SIL1: variants seen among roughly 807,000 people sequenced by gnomAD.
The protein encoded by SIL1 is SIL1 nucleotide exchange factor.
A neutral mutation model predicts 49.1 loss-of-function variants in SIL1; 40 were observed. The observed-to-expected ratio is 0.81, with a 90% CI of 0.63 to 1.06. The LOEUF is 1.06. Ranked by LOEUF, SIL1 falls within the 50% of genes least tolerant of loss-of-function variation. SIL1 has a pLI of 0.00. For missense variants in SIL1, 500 were observed against 572.6 expected (o/e 0.87, Z 1.29); for synonymous variants, 253 against 250.8 (o/e 1.01, Z -0.08).
intron 5 of SIL1, among the ~76,000 whole-genome samples, chr5:139,036,437 T>C (rs1002439020): frequency 6.6e-6 from 1 of 152,114 alleles, no homozygotes; most frequent in African/African-American, 2.4e-5. Context: ...GTCAGATTTG[T>C]CAAAATAGCA....
At chr5:139,126,970 G>A (rs1292536985) in intron 2 of SIL1, among the ~76,000 whole-genome samples, 1 of 152,174 alleles carries the variant, frequency 6.6e-6, no homozygotes, top group African/African-American at 2.4e-5. Context: ...AGGGAGAGGA[G>A]AGGGAGGGCA....
intron 5 of SIL1, among the ~76,000 whole-genome samples, chr5:139,033,741 T>C (rs1768843666): frequency 6.6e-6 from 1 of 152,172 alleles, no homozygotes; most frequent in African/African-American, 2.4e-5. Flanking sequence ...ACTCAGGATA[T>C]ACTCTATTTT....
At chr5:139,005,416 T>C (rs1561824253) in intron 7 of SIL1, among the ~76,000 whole-genome samples, 1 of 151,270 alleles carries the variant, frequency 6.6e-6, no homozygotes, top group African/African-American at 2.4e-5. Context: ...CCTATAATTT[T>C]TTAAATTTTT....
intron 3 of SIL1, among the ~76,000 whole-genome samples, chr5:139,056,608 C>G (rs1255895539): frequency 2.7e-5 from 4 of 147,186 alleles, no homozygotes; most frequent in African/African-American, 1.1e-4. Context: ...GGGGGTCAGC[C>G]CCCCGCCCGG....
chr5:139,048,806 T>C (rs1769226807), intron 4 of SIL1, among the ~76,000 whole-genome samples: 1 of 152,228 alleles, frequency 6.6e-6, no homozygotes. Context: ...ACGAAAGAAG[T>C]TTGGCAGGGG....
At chr5:139,169,533 G>T (rs923903615) in intron 1 of SIL1, among the ~76,000 whole-genome samples, 2 of 150,468 alleles carry the variant, frequency 1.3e-5, no homozygotes, top group African/African-American at 4.9e-5. Flanking sequence ...CTGGACTGGA[G>T]TGCAATGGCA....
In SIL1 at chr5:139,116,088, C is replaced by G. The variant is rs1293544742; in HGVS notation, c.244+4947G>C. On this transcript the variant is annotated intron_variant, in intron 3 of 9. Coordinates refer to ENST00000394817, the MANE Select transcript of SIL1 (RefSeq NM_022464.5). ...AAACAGTGTCACAGAGTCACCCAGA[C>G]CAGAGTCAGGTGCTCCTTCAGACAG... 3.3e-5 allele frequency among the ~76,000 whole-genome samples: 5 copies of G among 152,168 alleles called. No individual in the cohort carries two copies. In the South Asian group the frequency reaches 8.3e-4, roughly 25 times the overall value.
chr5:139,095,133 C>T (rs137955449), intron 3 of SIL1, among the ~76,000 whole-genome samples: 1,862 of 152,248 alleles, frequency 0.012, 30 homozygotes, highest in Non-Finnish European at 0.014. Context: ...GATTTCTCCA[C>T]TGTAAAGTGA....
intron 3 of SIL1, among the ~76,000 whole-genome samples, chr5:139,054,854 T>C (rs1769372006): frequency 6.6e-6 from 1 of 152,196 alleles, no homozygotes; most frequent in African/African-American, 2.4e-5. Context: ...TAAAATATAC[T>C]AAACACGTCA....
chr5:139,032,867 A>G (rs1349519078), intron 5 of SIL1: 2 of 152,146 alleles, frequency 1.3e-5, no homozygotes, highest in Non-Finnish European at 2.9e-5. Flanking sequence ...GTATTCTCTT[A>G]CTGTATTTTC....
At chr5:139,069,538 G>C (rs1367898875) in intron 3 of SIL1, among the ~76,000 whole-genome samples, 2 of 151,984 alleles carry the variant, frequency 1.3e-5, no homozygotes, top group Non-Finnish European at 2.9e-5. Context: ...CAAAAACCAT[G>C]TTTCTTTTTA....
intron 3 of SIL1, among the ~76,000 whole-genome samples, chr5:139,101,882 G>A (rs1770595578): frequency 6.6e-6 from 1 of 152,180 alleles, no homozygotes; most frequent in South Asian, 2.1e-4. Flanking sequence ...GGACAAAGAA[G>A]AAGAATCCAG....
At chr5:139,105,764 A>G (rs1581103685) in intron 3 of SIL1, among the ~76,000 whole-genome samples, 1 of 152,332 alleles carries the variant, frequency 6.6e-6, no homozygotes, top group East Asian at 1.9e-4. Flanking sequence ...TCCACCCTTG[A>G]GCACAGGCTT....
At chr5:139,048,135 T>C (rs1015564124) in intron 4 of SIL1, among the ~76,000 whole-genome samples, 1 of 152,124 alleles carries the variant, frequency 6.6e-6, no homozygotes, top group Non-Finnish European at 1.5e-5. Context: ...AGGGATTTTA[T>C]TTTTTATTTA....
At chr5:139,136,570 T>A (rs1053229422) in intron 1 of SIL1, among the ~76,000 whole-genome samples, 1 of 151,978 alleles carries the variant, frequency 6.6e-6, no homozygotes, top group African/African-American at 2.4e-5. Flanking sequence ...CCTACACAGG[T>A]CAAAAGAGTG....
At chr5:138,999,156 C>T (rs189159491) in intron 7 of SIL1, among the ~76,000 whole-genome samples, 34 of 152,166 alleles carry the variant, frequency 2.2e-4, no homozygotes, top group African/African-American at 7.5e-4. Context: ...CATGCCCGGC[C>T]GAGGATTATC....
rs142331814 is a variant in SIL1, at chr5:138,988,125, G to A, written c.767+33046C>T. On this transcript the variant is annotated intron_variant, in intron 7 of 9. Coordinates refer to ENST00000394817, the MANE Select transcript of SIL1 (RefSeq NM_022464.5). ...TGGGATTATAGATGTGAGACACTGC[G>A]CCTGGCCAAGTTTTTTACTTTTTAC... Among the ~76,000 whole-genome samples, 910 of 152,274 alleles carry A rather than the reference G, an allele frequency of 6.0e-3. 6 individuals are homozygous for A. The highest frequency in any genetic ancestry group is 0.022 in the Admixed American group (340 of 15,298).
At chr5:139,169,839 CCTCTCCCCACGGTCTCCCTCTCCCTCTTT>C (rs1490555476) in intron 1 of SIL1, among the ~76,000 whole-genome samples, 6 of 151,770 alleles carry the variant, frequency 4.0e-5, no homozygotes, top group South Asian at 2.1e-4. Flanking sequence ...CTCCCCTCTC[CCTCTCCCCACGGTCTCCCTCTCCCTCTTT>C]CCACGGTCTC....
intron 7 of SIL1, among the ~76,000 whole-genome samples, chr5:138,955,796 G>A (rs1188532994): frequency 6.6e-6 from 1 of 152,248 alleles, no homozygotes; most frequent in East Asian, 1.9e-4. Context: ...CCTTTTGAGT[G>A]TGGGGTCCTG....
Sources: gnomAD v4.1 joint callset for allele counts (sites outside exome capture counted in the v4.1 genomes callset) on GRCh38, gnomAD v4.1.1 for gene constraint, MANE v1.5 for transcripts, NCBI Gene and HGNC (gene_info 2026-07-23, HGNC 2026-07-21) for gene names.